Variants in SETD9 observed in about 807,000 individuals in gnomAD.
The protein encoded by SETD9 is SET domain-containing protein 9.
Under a neutral mutation model 36.4 loss-of-function variants are expected in SETD9, and 37 were observed. That is an observed-to-expected ratio of 1.02 (90% confidence interval 0.78 to 1.34). SETD9 has a LOEUF of 1.34. Ranked by LOEUF, SETD9 falls within the 40% of genes most tolerant of loss-of-function variation. The pLI, the probability that SETD9 is intolerant of heterozygous loss-of-function variation, is 0.00. For missense variants in SETD9, 323 were observed against 353.2 expected, an observed-to-expected ratio of 0.91 and a Z score of 0.69; for synonymous variants, 128 against 132.9, an observed-to-expected ratio of 0.96 and a Z score of 0.26.
chr5:56,911,590 A>G (rs975880846), intron 2 of SETD9, 54 bp downstream of exon 2: 4 of 1,474,198 alleles, frequency 2.7e-6, no homozygotes, highest in Non-Finnish European at 1.8e-6. Flanking sequence ...ATTGATAAAC[A>G]TAAGTTCAGT....
chr5:56,909,854 G>T, intron 1 of SETD9, 111 bp downstream of exon 1: 2 of 994,702 alleles, frequency 2.0e-6, no homozygotes, highest in Non-Finnish European at 1.5e-6. Context: ...GCCTGAGATG[G>T]GCGGGCCCGG....
intron 2 of SETD9, chr5:56,912,357 T>C (rs1749183065): frequency 6.8e-6 from 4 of 587,024 alleles, no homozygotes; most frequent in Non-Finnish European, 8.6e-6. Flanking sequence ...GTGGAAAGTG[T>C]GTGTGTGAAT....
chr5:56,918,844 A>C (rs1749532097), downstream of SETD9, among the ~76,000 whole-genome samples: 1 of 152,218 alleles, frequency 6.6e-6, no homozygotes, highest in Non-Finnish European at 1.5e-5. Context: ...AGCTCTGGTC[A>C]GAGGAAATGA....
Position 56,915,010 on chromosome 5 carries a change from TACTTAAAAAAATATAGA to T in SETD9, c.812+46_812+62del, listed in dbSNP as rs767807861. 3.7e-6 allele frequency: 5 copies of T among 1,362,590 alleles called. No homozygotes were observed. The African/African-American group carries it at 7.3e-5, about 20-fold the overall frequency. 84.4% of individuals were successfully genotyped at this position (1,362,590 alleles called of 1,614,324 possible). A position where few individuals can be genotyped will look rare whatever the true frequency, so the allele number is the denominator to read the frequency against. On this transcript the variant is annotated intron_variant, in intron 5 of 5. Transcript: ENST00000285947. ...CATTTCATATCTTCTGCTTATGCTGTACTTAAAAAAATATAGAAGAAAAAGCTATGTAGAATTTGGGG... is the reference window on the plus strand; with the variant it reads ...CATTTCATATCTTCTGCTTATGCTGTAGAAAAAGCTATGTAGAATTTGGGG...
chr5:56,924,720 G>C (rs1749874381), intron 5 of SETD9, among the ~76,000 whole-genome samples: 1 of 152,054 alleles, frequency 6.6e-6, no homozygotes, highest in Non-Finnish European at 1.5e-5. Flanking sequence ...CCCAAACCAG[G>C]GTTCCTCTAA....
rs1749772917 is a variant in SETD9, at chr5:56,923,381, G to C, written c.813-1952G>C. On this transcript the variant is annotated intron_variant, in intron 5 of 5. Transcript: ENST00000628593. ...TGACTCTTCACTGCACATGTTCATA[G>C]GGTTTAGCTCCGAGTGATAAAATCC... 1.9e-6 allele frequency: 3 copies of C among 1,614,170 alleles called. No homozygotes were observed. Among genetic ancestry groups the C allele is most frequent in the Middle Eastern group, 1.6e-4 (1 of 6,062 alleles).
chr5:56,910,438 C>A (rs752200996), intron 1 of SETD9: 1 of 1,276,622 alleles, frequency 7.8e-7, no homozygotes, highest in Non-Finnish European at 1.0e-6. Context: ...GTGATCAGCT[C>A]AACACCGTGC....
downstream of SETD9, chr5:56,920,794 TATG>T (rs1170760826): frequency 6.6e-6 from 1 of 152,412 alleles, no homozygotes; most frequent in Non-Finnish European, 1.5e-5. Context: ...TCTAAAAAGA[TATG>T]AAGAATTTAC....
chr5:56,924,684 T>C (rs899652741), intron 5 of SETD9, among the ~76,000 whole-genome samples: 1 of 152,166 alleles, frequency 6.6e-6, no homozygotes, highest in Non-Finnish European at 1.5e-5. Flanking sequence ...ACAATAAAAT[T>C]TGAGCCTCAC....
chr5:56,918,239 C>T (rs1440045825), downstream of SETD9, among the ~76,000 whole-genome samples: 1 of 152,162 alleles, frequency 6.6e-6, no homozygotes, highest in African/African-American at 2.4e-5. Flanking sequence ...CTCCCCAAAC[C>T]TGCCAGGCAC....
chr5:56,914,426 A>C (rs1371196594), intron 4 of SETD9, among the ~76,000 whole-genome samples: 4 of 152,156 alleles, frequency 2.6e-5, no homozygotes, highest in Non-Finnish European at 5.9e-5. Flanking sequence ...AATACATTTA[A>C]CATGGGCTTT....
chr5:56,909,865 G>T (rs1370705509), intron 1 of SETD9, 122 bp downstream of exon 1: 39 of 899,088 alleles, frequency 4.3e-5, no homozygotes, highest in Non-Finnish European at 5.8e-5. Context: ...GCGGGCCCGG[G>T]TGGGCAGGGA....
At chr5:56,924,780 T>C (rs1749878808) in intron 5 of SETD9, among the ~76,000 whole-genome samples, 1 of 152,228 alleles carries the variant, frequency 6.6e-6, no homozygotes, top group African/African-American at 2.4e-5. Context: ...AAATTCTTCA[T>C]CCTTATCCAA....
chr5:56,917,291 A>T lies in SETD9; in HGVS notation c.*389A>T, dbSNP rs1480791289. 2 of 991,550 alleles carry T rather than the reference A, an allele frequency of 2.0e-6. No homozygotes were observed. Among genetic ancestry groups the T allele is most frequent in the Non-Finnish European group, 2.4e-6 (2 of 834,528 alleles). The allele number at this position is 991,550 out of a possible 1,614,324, so 61.4% of individuals were successfully genotyped here. On this transcript the variant is annotated 3_prime_UTR_variant, in exon 6 of 6. Transcript: ENST00000285947. ...ACTGCTGATGTGTACAAACTTCTGTAAAAACTTTATTTTTACAGAATTGAG... is the reference window on the plus strand; with the variant it reads ...ACTGCTGATGTGTACAAACTTCTGTTAAAACTTTATTTTTACAGAATTGAG...
At chr5:56,921,909 G>A (rs1164635899), downstream of SETD9, 1 of 152,554 alleles carries the variant, frequency 6.6e-6, no homozygotes, top group African/African-American at 2.4e-5. Context: ...CAAAGTTTAG[G>A]ACAATGGCTT....
chr5:56,911,578 G>A (rs567439088), intron 2 of SETD9, 42 bp downstream of exon 2: 3 of 1,479,686 alleles, frequency 2.0e-6, no homozygotes, highest in East Asian at 2.3e-5. Context: ...AGCTTCTTAC[G>A]TATTGATAAA....
At chr5:56,923,408 G>A in intron 5 of SETD9, 1 of 1,614,190 alleles carries the variant, frequency 6.2e-7, no homozygotes, top group South Asian at 1.1e-5. Context: ...ATAAAATCCA[G>A]TCTCAAATAA....
rs1749456996 is a variant in SETD9, at chr5:56,916,854, C to T, written c.852C>T (p.Ile284=). The change falls in exon 6 of 6, where the codon ATC becomes ATT. Residue 284 remains isoleucine, a synonymous_variant. Coordinates refer to ENST00000285947, the MANE Select transcript of SETD9 (RefSeq NM_153706.4). ...TTGTTCTTGTCGCACTTAGGGACAT[C>T]AATCAAGGAGAAGAGCTTTTTTCAA... The part of the protein sequence containing the change: ...RCVVLVALRD[I]NQGEELFSNY... 3.1e-6 allele frequency: 5 copies of T among 1,608,052 alleles called. No homozygotes were observed. The highest frequency in any genetic ancestry group is 4.2e-6 in the Non-Finnish European group (5 of 1,177,964).
chr5:56,909,634 C>T lies in SETD9; in HGVS notation c.-12C>T, dbSNP rs1437549724. 3 of 1,599,578 alleles carry T rather than the reference C, an allele frequency of 1.9e-6. No homozygotes were observed. The highest frequency in any genetic ancestry group is 1.4e-5 in the African/African-American group (1 of 72,898). On this transcript the variant is annotated 5_prime_UTR_variant, in exon 1 of 6. Transcript: ENST00000285947. ...CCCCGCGCCGTCCTGGTCACGGCCC[C>T]GCGGGGCAGCCATGCCTGGCCGTCT...
Sources: gnomAD v4.1 joint callset for allele counts (sites outside exome capture counted in the v4.1 genomes callset) on GRCh38, gnomAD v4.1.1 for gene constraint, MANE v1.5 for transcripts, NCBI Gene and HGNC (gene_info 2026-07-23, HGNC 2026-07-21) for gene names.